The following NLRX1 variants were observed in gnomAD, a reference collection of about 807,000 sequenced individuals.
NLRX1 encodes NLR family member X1, also known as NOD-like receptor X1.
NLRX1 carries 67 observed loss-of-function variants against 74.2 expected under a neutral mutation model. The ratio of observed to expected loss-of-function variants is 0.90; its 90% CI spans 0.74 to 1.11. The LOEUF (loss-of-function observed/expected upper bound fraction) is 1.11, where lower values mean the gene tolerates loss of function less well. Among genes scored for constraint, NLRX1 ranks in the 50% least tolerant of loss-of-function variants. The pLI is 0.00. For synonymous variants in NLRX1, 506 were observed against 559.1 expected (o/e 0.91, Z 1.34); for missense variants, 1,191 against 1,305.4 (o/e 0.91, Z 1.35).
chr11:119,180,314 C>T, intron 7 of NLRX1, 26 bp downstream of exon 7: 1 of 1,519,012 alleles, frequency 6.6e-7, no homozygotes, highest in Non-Finnish European at 8.9e-7. Context: ...CATGCACAGG[C>T]ATGAAGAGGG....
At position 119,179,720 on chromosome 11, in the gene NLRX1, G is replaced by A. The variant is rs1446732868; in HGVS notation, c.1699G>A (p.Val567Met). Residue 567 changes from valine to methionine, a missense_variant, in exon 7 of 10, where the codon GTG becomes ATG. By Grantham distance (21) the Val-to-Met change is conservative. Coordinates refer to ENST00000409109, the MANE Select transcript of NLRX1 (RefSeq NM_001282144.2). ...KVVPRVFGRMVGKSREAVAQA... is the reference protein window; with the variant it reads ...KVVPRVFGRMMGKSREAVAQA... ...GGTTCCACGAGTGTTTGGGCGCATG[G>A]TGGGTAAAAGCCGGGAGGCGGTGGC... 1.2e-6 allele frequency: 2 copies of A among 1,608,078 alleles called. No homozygotes were observed. The highest frequency in any genetic ancestry group is 1.7e-6 in the Non-Finnish European group (2 of 1,175,844).
chr11:119,181,038 C>A, intron 7 of NLRX1, 133 bp from the exon 8 acceptor site: 3 of 680,814 alleles, frequency 4.4e-6, no homozygotes, highest in Non-Finnish European at 7.9e-6. Context: ...GAGACCCTGT[C>A]TCTCAAAAAA....
chr11:119,168,866 G>C lies in NLRX1; in HGVS notation c.-485G>C, dbSNP rs1450501496. The C allele has an allele frequency of 1.3e-5, 2 of 152,262 alleles. No individual in the cohort carries two copies. Among genetic ancestry groups the C allele is most frequent in the African/African-American group, 4.8e-5 (2 of 41,456 alleles). The allele number at this position is 152,262 out of a possible 1,614,324, so 9.4% of individuals were successfully genotyped here. On this transcript the variant is annotated 5_prime_UTR_variant, in exon 1 of 10. Transcript: ENST00000409109. ...AGGACCCCGCAGGCCCGAGTGCCTG[G>C]GCTCGTCCTCTTTCGCGCCCGCTGC...
intron 1 of NLRX1, among the ~76,000 whole-genome samples, chr11:119,170,869 T>A (rs1407351925): frequency 3.3e-5 from 5 of 152,140 alleles, no homozygotes; most frequent in Admixed American, 2.6e-4. Flanking sequence ...GAAGGCCAGG[T>A]GTGATGGCTC....
In NLRX1 at chr11:119,178,198, T is replaced by TA. The variant is rs560603654; in HGVS notation, c.1672-1487dup. Among the ~76,000 whole-genome samples, 14 of 151,950 alleles carry TA rather than the reference T, an allele frequency of 9.2e-5. 1 individual carries two copies. In the East Asian group the frequency reaches 1.7e-3, roughly 19 times the overall value. On this transcript the variant is annotated intron_variant, in intron 6 of 9. Coordinates refer to ENST00000409109, the MANE Select transcript of NLRX1 (RefSeq NM_001282144.2). ...AAATAAAAATTAAAACATTAAAAAG[T>TA]AAAAAAAACCCAGATGTTAAAGGAC...
At position 119,180,152 on chromosome 11, in the gene NLRX1, G is replaced by A. The variant is rs554183996; in HGVS notation, c.2131G>A (p.Val711Ile). The change falls in exon 7 of 10, where the codon GTC (valine) becomes ATC (isoleucine). Residue 711 changes from valine (V) to isoleucine (I), a missense_variant. Transcript: ENST00000409109. ...CCTGGCAGGTGTGCGCATGACACCAGTCAAGTGCACAGTGGTGGCAGCTGT... is the reference window on the plus strand; with the variant it reads ...CCTGGCAGGTGTGCGCATGACACCAATCAAGTGCACAGTGGTGGCAGCTGT... The part of the protein sequence containing the change: ...LNLAGVRMTP[V>I]KCTVVAAVLG... 1.2e-6 allele frequency: 2 copies of A among 1,613,528 alleles called. No individual in the cohort carries two copies. Among genetic ancestry groups the A allele is most frequent in the South Asian group, 2.2e-5 (2 of 91,090 alleles).
chr11:119,173,591 G>A lies in NLRX1; in HGVS notation c.342G>A (p.Val114=). The change falls in exon 5 of 10, where the codon GTG becomes GTA. Residue 114 remains valine, a synonymous_variant. Coordinates refer to ENST00000409109, the MANE Select transcript of NLRX1 (RefSeq NM_001282144.2). This position sits in a 1 kb window ranked among gnomAD's most constrained non-coding sequence, Gnocchi z 4.0. Reference sequence around the variant, plus strand: ...TAGACACGGTCCACGTTGACCCTGTGATCCGCGAGAGTACCCCTGATGAGC... The same window carrying A: ...TAGACACGGTCCACGTTGACCCTGTAATCCGCGAGAGTACCCCTGATGAGC... ...FALDTVHVDP[V]IRESTPDELL... The A allele has an allele frequency of 1.2e-6, 2 of 1,614,148 alleles. No individual in the cohort carries two copies. The highest frequency in any genetic ancestry group is 2.7e-5 in the African/African-American group (2 of 75,078).
intron 6 of NLRX1, among the ~76,000 whole-genome samples, chr11:119,176,905 T>A (rs149241601): frequency 6.6e-6 from 1 of 152,216 alleles, no homozygotes; most frequent in African/African-American, 2.4e-5. Context: ...TGAGTTCAAA[T>A]CCAGGCTCTG....
Position 119,183,484 on chromosome 11 carries a change from C to T in NLRX1, c.*45C>T. ...TAGCTATGTGACCACTGGCCCTAAA[C>T]CTTTTCCCTCTGTGGCCTCCTGGCT... On this transcript the variant is annotated 3_prime_UTR_variant, in exon 10 of 10. Coordinates refer to ENST00000409109, the MANE Select transcript of NLRX1 (RefSeq NM_001282144.2). The surrounding 1 kb of genome is among the most constrained non-coding windows in gnomAD (Gnocchi z 5.7). 1 of 1,550,538 alleles carries T rather than the reference C, an allele frequency of 6.4e-7. No individual in the cohort carries two copies. The highest frequency in any genetic ancestry group is 8.7e-7 in the Non-Finnish European group (1 of 1,144,948).
intron 6 of NLRX1, among the ~76,000 whole-genome samples, chr11:119,178,697 G>A (rs1948755750): frequency 6.8e-6 from 1 of 146,710 alleles, no homozygotes; most frequent in African/African-American, 2.6e-5. Flanking sequence ...CACCCTGGAG[G>A]CTTTTTTTTT....
chr11:119,182,109 G>T lies in NLRX1; in HGVS notation c.2370G>T (p.Pro790=), dbSNP rs1207100650. The T allele has an allele frequency of 6.2e-7, 1 of 1,614,086 alleles. No individual in the cohort carries two copies. Among genetic ancestry groups the T allele is most frequent in the Non-Finnish European group, 8.5e-7 (1 of 1,179,994 alleles). The change falls in exon 9 of 10, where the codon CCG becomes CCT. Residue 790 remains proline, a synonymous_variant. Transcript: ENST00000409109. ...QITTLRLSNN[P]LTAAGVAVLM... Reference sequence around the variant, plus strand: ...GTGGCTGTAGGCTGTCCAACAACCCGCTGACGGCGGCAGGTGTTGCCGTGC... The same window carrying T: ...GTGGCTGTAGGCTGTCCAACAACCCTCTGACGGCGGCAGGTGTTGCCGTGC...
At chr11:119,174,294 G>A (rs1024477016) in intron 5 of NLRX1, among the ~76,000 whole-genome samples, 159 bp from the exon 6 acceptor site, 1 of 152,180 alleles carries the variant, frequency 6.6e-6, no homozygotes, top group Non-Finnish European at 1.5e-5. Flanking sequence ...TTAGCACAGC[G>A]GCCTGGATCA....
intron 1 of NLRX1, among the ~76,000 whole-genome samples, chr11:119,170,503 T>G (rs1948514560): frequency 6.6e-6 from 1 of 152,180 alleles, no homozygotes; most frequent in Non-Finnish European, 1.5e-5. Context: ...GGGAGAAGTT[T>G]GAAGCAGTGG....
At chr11:119,170,558 A>G (rs1948516555) in intron 1 of NLRX1, among the ~76,000 whole-genome samples, 1 of 152,176 alleles carries the variant, frequency 6.6e-6, no homozygotes, top group Admixed American at 6.5e-5. Context: ...TCATTCATTT[A>G]TTTATTATTT....
In NLRX1 at chr11:119,173,128, C is replaced by T; in HGVS notation, c.229+139C>T. On this transcript the variant is annotated intron_variant, in intron 4 of 9. Coordinates refer to ENST00000409109, the MANE Select transcript of NLRX1 (RefSeq NM_001282144.2). The surrounding 1 kb of genome is among the most constrained non-coding windows in gnomAD (Gnocchi z 4.0). ...CCTCCTCCTCTCTCTCTCTCCCTCC[C>T]ATCCGTCTATGTATCCCTTCCTGCA... 1.4e-6 allele frequency: 1 copy of T among 690,878 alleles called. No homozygotes were observed. Among genetic ancestry groups the T allele is most frequent in the South Asian group, 1.6e-5 (1 of 61,294 alleles). 42.8% of individuals were successfully genotyped at this position (690,878 alleles called of 1,614,324 possible).
In NLRX1 at chr11:119,173,731, CA is replaced by C. The variant is rs775236843; in HGVS notation, c.483del (p.Val162TrpfsTer62). The C allele has an allele frequency of 3.1e-6, 5 of 1,613,932 alleles. No individual in the cohort carries two copies. The highest frequency in any genetic ancestry group is 4.2e-6 in the Non-Finnish European group (5 of 1,180,016). ...GATGCCTGTGGGCGCCGGGTGCAGACAGTGGTGCTGTATGGGACAGTGGGCA... is the reference window on the plus strand; with the variant it reads ...GATGCCTGTGGGCGCCGGGTGCAGACGTGGTGCTGTATGGGACAGTGGGCA... ...NPDACGRRVQ[T>X]VVLYGTVGTG... On this transcript the variant is annotated frameshift_variant, in exon 5 of 10. Transcript: ENST00000409109. LOFTEE classifies it high-confidence loss of function. The surrounding 1 kb of genome is among the most constrained non-coding windows in gnomAD (Gnocchi z 4.0).
chr11:119,170,601 C>T (rs970985721), intron 1 of NLRX1, among the ~76,000 whole-genome samples: 4 of 152,068 alleles, frequency 2.6e-5, no homozygotes, highest in African/African-American at 9.7e-5. Flanking sequence ...ACATAAAAGT[C>T]ACAGAGAACA....
At chr11:119,181,981 A>T in intron 8 of NLRX1, 113 bp from the exon 9 acceptor site, 1 of 1,343,898 alleles carries the variant, frequency 7.4e-7, no homozygotes, top group South Asian at 1.3e-5. Flanking sequence ...CTTTGGCCCA[A>T]GTCCTGACAC....
intron 8 of NLRX1, 122 bp downstream of exon 8, chr11:119,181,379 C>T: frequency 2.8e-6 from 2 of 716,884 alleles, no homozygotes; most frequent in Non-Finnish European, 4.9e-6. Flanking sequence ...AGTCTAGGCC[C>T]TGACCTGTCC....
Sources: gnomAD v4.1 joint callset for allele counts (sites outside exome capture counted in the v4.1 genomes callset) on GRCh38, gnomAD v4.1.1 for gene constraint, Gnocchi (gnomAD v3.1) non-coding constraint, MANE v1.5 for transcripts, NCBI Gene and HGNC (gene_info 2026-07-23, HGNC 2026-07-21) for gene names.